TMLHE: variants seen among roughly 807,000 people sequenced by gnomAD.
The protein encoded by TMLHE is trimethyllysine dioxygenase, mitochondrial.
In TMLHE, 18 loss-of-function variants were observed where a neutral mutation model predicts 25.7. The observed-to-expected ratio is 0.70, with a 90% CI of 0.48 to 1.04. TMLHE has a LOEUF of 1.04. Ranked by LOEUF, TMLHE falls within the 50% of genes least tolerant of loss-of-function variation. The pLI is 0.00. For missense variants in TMLHE, 236 were observed against 259.0 expected, an observed-to-expected ratio of 0.91 and a Z score of 0.61; for synonymous variants, 105 against 97.0, an observed-to-expected ratio of 1.08 and a Z score of -0.49.
chrX:155,547,491 C>A (rs1177710940), intron 1 of TMLHE, among the ~76,000 whole-genome samples: 1 of 111,317 alleles, frequency 9.0e-6, no homozygotes, highest in Non-Finnish European at 1.9e-5. Context: ...AATAAATCAG[C>A]AGTCCTAGCC....
At chrX:155,571,072 C>T (rs2067546036) in intron 1 of TMLHE, among the ~76,000 whole-genome samples, 1 of 56,419 alleles carries the variant, frequency 1.8e-5, no homozygotes. Flanking sequence ...ATCAACAAAA[C>T]TGATAGACCG....
At chrX:155,583,496 G>C (rs1557344874) in intron 1 of TMLHE, among the ~76,000 whole-genome samples, 2 of 98,010 alleles carry the variant, frequency 2.0e-5, no homozygotes, top group Non-Finnish European at 4.1e-5. Context: ...TTCAAGATGA[G>C]ATTTGGGTGT....
intron 1 of TMLHE, among the ~76,000 whole-genome samples, chrX:155,600,798 G>A (rs978584226): frequency 8.9e-6 from 1 of 112,044 alleles, no homozygotes; most frequent in East Asian, 2.8e-4. Context: ...TAATAGCAAA[G>A]GTAGATTTCT....
At chrX:155,609,478 A>G (rs781849980) in intron 1 of TMLHE, among the ~76,000 whole-genome samples, 1 of 111,372 alleles carries the variant, frequency 9.0e-6, no homozygotes, top group Non-Finnish European at 1.9e-5. Context: ...TGTACGCCAC[A>G]CCCCTGTGAC....
intron 1 of TMLHE, among the ~76,000 whole-genome samples, chrX:155,610,712 T>C (rs1195484401): frequency 9.0e-6 from 1 of 111,209 alleles, no homozygotes; most frequent in Admixed American, 9.6e-5. Context: ...GGCTTGAAAT[T>C]TGGAGTAGTC....
At chrX:155,526,922 C>T (rs1424743533) in intron 2 of TMLHE, among the ~76,000 whole-genome samples, 1 of 112,888 alleles carries the variant, frequency 8.9e-6, no homozygotes, top group Non-Finnish European at 1.9e-5. Flanking sequence ...GCCTGTACCC[C>T]CATTGTATCT....
rs145732983 is a variant in TMLHE at position 155,545,203 on chromosome X, G to A, written c.74C>T (p.Ala25Val). 12 of 1,208,577 alleles carry A rather than the reference G, an allele frequency of 9.9e-6. No homozygotes were observed. The African/African-American group carries it at 1.8e-4, about 18-fold the overall frequency. ...GCTTTTGAAGTTGGGCTGTGGAAGGGCCGGATATATGACTCCTCCCTTCAG... is the reference window on the plus strand; with the variant it reads ...GCTTTTGAAGTTGGGCTGTGGAAGGACCGGATATATGACTCCTCCCTTCAG... ...DLLKGGVIYPALPQPNFKSLL... is the reference protein window; with the variant it reads ...DLLKGGVIYPVLPQPNFKSLL... Residue 25 changes from alanine to valine, a missense_variant, in exon 2 of 8, where the codon GCC (alanine) becomes GTC (valine). Physicochemically the swap from Ala to Val is moderately conservative, Grantham distance 64. This residue lies in a region of TMLHE where 217 missense variants were observed against 214.6 expected (regional missense o/e 1.01). Coordinates refer to ENST00000334398, the MANE Select transcript of TMLHE (RefSeq NM_018196.4).
At chrX:155,579,728 A>C (rs1264908697) in intron 1 of TMLHE, among the ~76,000 whole-genome samples, 1 of 111,091 alleles carries the variant, frequency 9.0e-6, no homozygotes, top group Non-Finnish European at 1.9e-5. Context: ...CCATCTTTAT[A>C]GGACATCATT....
Position 155,556,232 on chromosome X carries a change from GCCAAC to G in TMLHE, c.-1-10960_-1-10956del, listed in dbSNP as rs1557340793. Among the ~76,000 whole-genome samples, 108 of 22,800 alleles carry G rather than the reference GCCAAC, an allele frequency of 4.7e-3. 1 individual carries two copies. Among genetic ancestry groups the G allele is most frequent in the African/African-American group, 8.8e-3 (104 of 11,817 alleles). 19.8% of individuals were successfully genotyped at this position (22,800 alleles called of 115,157 possible). On this transcript the variant is annotated intron_variant, in intron 1 of 7. Transcript: ENST00000334398. ...CTATGGTTACAAGGAACTGAATTCA[GCCAAC>G]CAGAAAGGAATGTAGCCTGGCCAAC... is the stretch of plus-strand genomic sequence containing the variant.
At chrX:155,611,974 C>G (rs1345862885) in intron 1 of TMLHE, among the ~76,000 whole-genome samples, 1 of 111,836 alleles carries the variant, frequency 8.9e-6, no homozygotes, top group African/African-American at 3.2e-5. Context: ...TATGAGAGCT[C>G]AAGTTTTTCT....
intron 1 of TMLHE, among the ~76,000 whole-genome samples, chrX:155,568,486 C>A (rs1158509995): frequency 3.4e-5 from 2 of 59,472 alleles, no homozygotes; most frequent in South Asian, 2.0e-3. Context: ...AGCAGTGATT[C>A]TCCCAGCATG....
intron 1 of TMLHE, among the ~76,000 whole-genome samples, chrX:155,548,174 C>A (rs782653690): frequency 8.9e-6 from 1 of 111,945 alleles, no homozygotes; most frequent in African/African-American, 3.2e-5. Flanking sequence ...CATACCAGGA[C>A]GTTGGTCTGG....
At chrX:155,548,367 C>G (rs1033802907) in intron 1 of TMLHE, among the ~76,000 whole-genome samples, 2 of 112,131 alleles carry the variant, frequency 1.8e-5, no homozygotes, top group East Asian at 2.8e-4. Flanking sequence ...GATTAATAAT[C>G]AAGCAATTTG....
intron 1 of TMLHE, among the ~76,000 whole-genome samples, chrX:155,551,269 G>C (rs963440456): frequency 1.0e-4 from 11 of 109,159 alleles, no homozygotes; most frequent in Non-Finnish European, 1.9e-4. Context: ...ATGCAGGTTT[G>C]TTACATGTGT....
intron 1 of TMLHE, among the ~76,000 whole-genome samples, chrX:155,598,429 AT>A (rs1294276294): frequency 2.8e-5 from 3 of 108,760 alleles, no homozygotes; most frequent in African/African-American, 1.0e-4. Flanking sequence ...GGAAACTATC[AT>A]TCTCAGCAAA....
At chrX:155,549,001 G>A (rs1482497920) in intron 1 of TMLHE, among the ~76,000 whole-genome samples, 1 of 110,502 alleles carries the variant, frequency 9.0e-6, no homozygotes, top group East Asian at 2.8e-4. Flanking sequence ...ATTCCTAAGT[G>A]ATTTCTTGTG....
chrX:155,519,232 G>A (rs202139334), intron 3 of TMLHE, among the ~76,000 whole-genome samples: 2 of 16,272 alleles, frequency 1.2e-4, no homozygotes, highest in East Asian at 2.6e-3. Flanking sequence ...CTTTGTTCTC[G>A]TTGGTTTCAA....
chrX:155,555,579 G>A (rs372653248), intron 1 of TMLHE, among the ~76,000 whole-genome samples: 65 of 109,325 alleles, frequency 5.9e-4, no homozygotes, highest in East Asian at 3.1e-3. Flanking sequence ...TCTAACTGGC[G>A]TGAGATGGTA....
chrX:155,552,605 CTTT>C (rs1246094754), intron 1 of TMLHE, among the ~76,000 whole-genome samples: 1 of 109,759 alleles, frequency 9.1e-6, no homozygotes, highest in African/African-American at 3.4e-5. Flanking sequence ...TCTCTCTCTT[CTTT>C]TGTTTCTTTA....
Sources: gnomAD v4.1 joint callset for allele counts (sites outside exome capture counted in the v4.1 genomes callset) on GRCh38, gnomAD v4.1.1 for gene constraint, gnomAD v4.1.1 regional missense constraint, MANE v1.5 for transcripts, NCBI Gene and HGNC (gene_info 2026-07-23, HGNC 2026-07-21) for gene names.